Variants in TCOF1 observed in about 807,000 individuals in gnomAD.
TCOF1 encodes the protein treacle protein.
Under a neutral mutation model 149.0 loss-of-function variants are expected in TCOF1, and 33 were observed. That is an observed-to-expected ratio of 0.22 (90% CI 0.17 to 0.30). TCOF1 has a LOEUF of 0.30. Among genes scored for constraint, TCOF1 ranks in the 10% least tolerant of loss-of-function variants. TCOF1 has a pLI of 1.00. For missense variants in TCOF1, 1,728 were observed against 1,840.7 expected, an observed-to-expected ratio of 0.94 and a Z score of 1.12; for synonymous variants, 789 against 738.8, an observed-to-expected ratio of 1.07 and a Z score of -1.10.
At chr5:150,389,054 A>T (rs1421173875) in intron 18 of TCOF1, among the ~76,000 whole-genome samples, 1 of 152,236 alleles carries the variant, frequency 6.6e-6, no homozygotes, top group African/African-American at 2.4e-5. Flanking sequence ...CAGCCTGGGC[A>T]ACATAGTGAG....
intron 4 of TCOF1, chr5:150,368,384 A>T (rs767333337): frequency 1.9e-4 from 77 of 405,488 alleles, no homozygotes; most frequent in Non-Finnish European, 3.1e-4. Flanking sequence ...ACATACATGT[A>T]TAAAGAATTG....
chr5:150,393,004 C>A, intron 22 of TCOF1: 1 of 631,304 alleles, frequency 1.6e-6, no homozygotes, highest in East Asian at 2.8e-5. Flanking sequence ...GAGTAGCTGA[C>A]CCTTGGGGTC....
intron 22 of TCOF1, 163 bp downstream of exon 22, chr5:150,392,953 C>A: frequency 3.6e-6 from 3 of 830,802 alleles, no homozygotes; most frequent in Non-Finnish European, 3.9e-6. Flanking sequence ...GCCCAGCCAG[C>A]AGACCACAGC....
intron 6 of TCOF1, 47 bp downstream of exon 6, chr5:150,369,649 C>G: frequency 6.2e-7 from 1 of 1,603,688 alleles, no homozygotes; most frequent in South Asian, 1.1e-5. Flanking sequence ...AGCCTCTAAC[C>G]CTTCCAGGAA....
rs1332112351 is a variant in TCOF1 at position 150,357,705 on chromosome 5, A to C, written c.-42A>C. On this transcript the variant is annotated 5_prime_UTR_variant, in exon 1 of 27. Transcript: ENST00000643257. ...CGAGGGAAGTGGCGGGCGGGGACTA[A>C]GGCGGGGCGTGCAGGTAGCCGGCCG... 1.3e-6 allele frequency: 2 copies of C among 1,521,384 alleles called. No homozygotes were observed. The highest frequency in any genetic ancestry group is 2.8e-5 in the African/African-American group (2 of 72,386). The allele number at this position is 1,521,384 out of a possible 1,614,324, so 94.2% of individuals were successfully genotyped here.
At chr5:150,393,183 A>G in intron 22 of TCOF1, 189 bp from the exon 23 acceptor site, 1 of 660,318 alleles carries the variant, frequency 1.5e-6, no homozygotes, top group South Asian at 1.8e-5. Flanking sequence ...ATTAATTAAA[A>G]TAGTTCAGGA....
Position 150,376,144 on chromosome 5 carries a change from A to G in TCOF1, c.1956A>G (p.Ala652=), listed in dbSNP as rs746277613. 5.6e-6 allele frequency: 9 copies of G among 1,614,216 alleles called. No homozygotes were observed. In the East Asian group the frequency reaches 6.7e-5, roughly 12 times the overall value. ...KACPKKTNTT[A]SAKVAPVRVG... The stretch of plus-strand genomic sequence containing the variant: ...GCCCAAAGAAAACCAATACCACTGC[A>G]TCTGCCAAGGTCGCCCCTGTGCGAG... Residue 652 remains alanine, a synonymous_variant, in exon 13 of 27, where the codon GCA becomes GCG. Transcript: ENST00000643257.
Position 150,372,104 on chromosome 5 carries a change from G to A in TCOF1, c.738G>A (p.Gly246=), listed in dbSNP as rs1168035366. Residue 246 remains glycine, a synonymous_variant, in exon 7 of 27, where the codon GGG becomes GGA. Transcript: ENST00000643257. The stretch of plus-strand genomic sequence containing the variant: ...CGGCCCCAGCCCCTGGGAAGGTGGG[G>A]GATGTGACACCCCAGGTCAAAGGAG... ...RKAAPAPGKV[G]DVTPQVKGGA... is the part of the protein sequence containing the mutation. 6.2e-7 allele frequency: 1 copy of A among 1,614,250 alleles called. No homozygotes were observed. The highest frequency in any genetic ancestry group is 2.2e-5 in the East Asian group (1 of 44,886).
At chr5:150,368,956 C>T (rs1015164282) in intron 5 of TCOF1, 54 bp downstream of exon 5, 1 of 1,601,362 alleles carries the variant, frequency 6.2e-7, no homozygotes, top group Non-Finnish European at 8.5e-7. Flanking sequence ...GCTGGTGAGG[C>T]AGGCCTAGGC....
chr5:150,380,489 C>G (rs547195608), intron 17 of TCOF1: 1 of 152,930 alleles, frequency 6.5e-6, no homozygotes, highest in Admixed American at 6.5e-5. Flanking sequence ...GCACCTTGGC[C>G]CGGAGCCTCA....
At chr5:150,380,070 CAAAA>C in intron 17 of TCOF1, 25 of 98,450 alleles carry the variant, frequency 2.5e-4, no homozygotes, top group East Asian at 4.8e-4. Context: ...GAGACTGTCT[CAAAA>C]AAAAAAAAAA....
At chr5:150,370,760 A>G (rs547391164) in intron 6 of TCOF1, among the ~76,000 whole-genome samples, 16 of 152,288 alleles carry the variant, frequency 1.1e-4, no homozygotes, top group Middle Eastern at 3.4e-3. Context: ...TGAGGCCAGA[A>G]GTTTGAACCC....
chr5:150,389,008 A>G (rs1766845063), intron 18 of TCOF1, among the ~76,000 whole-genome samples: 1 of 152,202 alleles, frequency 6.6e-6, no homozygotes, highest in South Asian at 2.1e-4. Context: ...TAGAAGGCCA[A>G]GGTAGGAAGA....
In TCOF1 at chr5:150,374,362, G is replaced by T; in HGVS notation, c.1059G>T (p.Thr353=). 2 of 1,556,968 alleles carry T rather than the reference G, an allele frequency of 1.3e-6. No individual in the cohort carries two copies. The highest frequency in any genetic ancestry group is 1.9e-5 in the Admixed American group (1 of 51,428). ...AGTCATCTGACAGTGAGGAGGAGAC[G>T]CCAGCTGCCAAGGCCCTGCTTCAGG... The part of the protein sequence containing the change: ...SEESSDSEEE[T]PAAKALLQAK... Residue 353 remains threonine, a synonymous_variant, in exon 8 of 27, where the codon ACG becomes ACT. Coordinates refer to ENST00000643257, the MANE Select transcript of TCOF1 (RefSeq NM_001371623.1).
In TCOF1 at chr5:150,368,766, C is replaced by T; in HGVS notation, c.429C>T (p.Ala143=). 6 of 1,614,112 alleles carry T rather than the reference C, an allele frequency of 3.7e-6. No individual in the cohort carries two copies. Among genetic ancestry groups the T allele is most frequent in the Non-Finnish European group, 5.1e-6 (6 of 1,180,038 alleles). The part of the protein sequence containing the change: ...GKTGNSMPHP[A]TGKTVANLLS... The stretch of plus-strand genomic sequence containing the variant: ...CTGGGAATTCCATGCCACACCCTGC[C>T]ACTGGGAAGACGGTGGCCAACCTTC... Residue 143 remains alanine, a synonymous_variant, in exon 5 of 27, where the codon GCC becomes GCT. Coordinates refer to ENST00000643257, the MANE Select transcript of TCOF1 (RefSeq NM_001371623.1).
At chr5:150,368,606 C>T in intron 4 of TCOF1, 110 bp from the exon 5 acceptor site, 1 of 1,332,436 alleles carries the variant, frequency 7.5e-7, no homozygotes, top group Non-Finnish European at 1.1e-6. Flanking sequence ...GGGTAGTTTA[C>T]CCAAACTCAC....
At chr5:150,367,782 T>C (rs1292697453) in intron 3 of TCOF1, 62 bp from the exon 4 acceptor site, 1 of 1,587,570 alleles carries the variant, frequency 6.3e-7, no homozygotes, top group South Asian at 1.1e-5. Flanking sequence ...ATGAAACCTG[T>C]TTGCCATTCA....
intron 23 of TCOF1, 139 bp downstream of exon 23, chr5:150,393,691 C>A: frequency 1.7e-6 from 2 of 1,160,128 alleles, no homozygotes; most frequent in Non-Finnish European, 2.5e-6. Flanking sequence ...GACCTTGTGG[C>A]CTTGCATTGG....
intron 21 of TCOF1, 160 bp downstream of exon 21, chr5:150,392,336 G>A: frequency 1.4e-6 from 1 of 727,766 alleles, no homozygotes; most frequent in South Asian, 1.9e-5. Context: ...TCATGAGGAA[G>A]TCAATCCAAA....
Sources: gnomAD v4.1 joint callset for allele counts (sites outside exome capture counted in the v4.1 genomes callset) on GRCh38, gnomAD v4.1.1 for gene constraint, MANE v1.5 for transcripts, NCBI Gene and HGNC (gene_info 2026-07-23, HGNC 2026-07-21) for gene names.